PCDHGA6: variants seen among roughly 807,000 people sequenced by gnomAD.
The protein encoded by PCDHGA6 is protocadherin gamma subfamily A, 6, also known as protocadherin gamma-A6.
Under a neutral mutation model 60.6 loss-of-function variants are expected in PCDHGA6, and 41 were observed. The observed-to-expected ratio is 0.68, with a 90% CI of 0.53 to 0.88. The LOEUF is 0.88. Ranked by LOEUF, PCDHGA6 falls within the 40% of genes least tolerant of loss-of-function variation. The pLI, the probability that PCDHGA6 is intolerant of heterozygous loss-of-function variation, is 0.00. For synonymous variants in PCDHGA6, 594 were observed against 524.4 expected (o/e 1.13, Z -1.81); for missense variants, 1,312 against 1,203.0 (o/e 1.09, Z -1.34).
intron 2 of PCDHGA6, among the ~76,000 whole-genome samples, chr5:141,495,943 C>T (rs998665622): frequency 3.9e-5 from 6 of 152,010 alleles, no homozygotes; most frequent in African/African-American, 1.4e-4. Flanking sequence ...GTCTCTGTGC[C>T]TGTTGTCTTT....
At chr5:141,383,843 A>T in intron 1 of PCDHGA6, 1 of 1,613,970 alleles carries the variant, frequency 6.2e-7, no homozygotes, top group Non-Finnish European at 8.5e-7. Context: ...ACTGCCTTCT[A>T]TGAAATGGAG....
intron 3 of PCDHGA6, among the ~76,000 whole-genome samples, chr5:141,508,649 C>T (rs1303066200): frequency 6.6e-6 from 1 of 152,126 alleles, no homozygotes; most frequent in Non-Finnish European, 1.5e-5. Flanking sequence ...CCGTCAGGCC[C>T]TTCCTGTCAT....
chr5:141,409,045 C>T (rs1228603483), intron 1 of PCDHGA6: 1 of 1,613,878 alleles, frequency 6.2e-7, no homozygotes, highest in Non-Finnish European at 8.5e-7. Flanking sequence ...ACTACTACTT[C>T]CGAAGCACTG....
chr5:141,476,825 G>A lies in PCDHGA6; in HGVS notation c.2425-17982G>A. ...GCCTATTCACATCAAGGTGCTGGACGCGAATGACAATGCGCCTGTCTTCAA... is the reference window on the plus strand; with the variant it reads ...GCCTATTCACATCAAGGTGCTGGACACGAATGACAATGCGCCTGTCTTCAA... On this transcript the variant is annotated intron_variant, in intron 1 of 3. Transcript: ENST00000517434. The surrounding 1 kb of genome is among the most constrained non-coding windows in gnomAD (Gnocchi z 7.6). 6.2e-7 allele frequency: 1 copy of A among 1,613,554 alleles called. No individual in the cohort carries two copies. Among genetic ancestry groups the A allele is most frequent in the East Asian group, 2.2e-5 (1 of 44,870 alleles).
rs539719239 is a variant in PCDHGA6, at chr5:141,431,888, G to A, written c.2424+55381G>A. The A allele has an allele frequency of 6.2e-7, 1 of 1,614,200 alleles. No homozygotes were observed. The highest frequency in any genetic ancestry group is 1.7e-5 in the Admixed American group (1 of 60,036). On this transcript the variant is annotated intron_variant, in intron 1 of 3. Coordinates refer to ENST00000517434, the MANE Select transcript of PCDHGA6 (RefSeq NM_018919.3). The surrounding 1 kb of genome is among the most constrained non-coding windows in gnomAD (Gnocchi z 4.8). ...TTTAAATGTAAATGACCAAGATTCT[G>A]AGGAAAACGGACAGGTGATCTGTTT... is the stretch of plus-strand genomic sequence containing the variant.
Position 141,489,492 on chromosome 5 carries a change from G to C in PCDHGA6, c.2425-5315G>C. On this transcript the variant is annotated intron_variant, in intron 1 of 3. Coordinates refer to ENST00000517434, the MANE Select transcript of PCDHGA6 (RefSeq NM_018919.3). This position sits in a 1 kb window ranked among gnomAD's most constrained non-coding sequence, Gnocchi z 4.5. The stretch of plus-strand genomic sequence containing the variant: ...CCCTGAGCTTGATGAGTGGTGCCCT[G>C]GCAGTGAATCAAAAGATTGACCGAG... The C allele has an allele frequency of 6.2e-7, 1 of 1,614,042 alleles. No homozygotes were observed. The highest frequency in any genetic ancestry group is 8.5e-7 in the Non-Finnish European group (1 of 1,180,034).
Position 141,380,667 on chromosome 5 carries a change from T to C in PCDHGA6, c.2424+4160T>C, listed in dbSNP as rs552117625. On this transcript the variant is annotated intron_variant, in intron 1 of 3. Coordinates refer to ENST00000517434, the MANE Select transcript of PCDHGA6 (RefSeq NM_018919.3). Reference sequence around the variant, plus strand: ...AGAGACAATGAAGCCATTTACTCCATAGGGTATGTATGCTTTGTGTTCGGA... The same window carrying C: ...AGAGACAATGAAGCCATTTACTCCACAGGGTATGTATGCTTTGTGTTCGGA... Among the ~76,000 whole-genome samples the C allele has an allele frequency of 2.6e-5, 4 of 152,244 alleles. No homozygotes were observed. The East Asian group carries it at 5.8e-4, about 22-fold the overall frequency.
intron 1 of PCDHGA6, among the ~76,000 whole-genome samples, chr5:141,448,831 G>C (rs985602153): frequency 4.6e-5 from 7 of 152,096 alleles, no homozygotes; most frequent in Non-Finnish European, 7.4e-5. Flanking sequence ...TGTAGTCCCA[G>C]CTACTCTGGA....
chr5:141,473,312 A>G (rs1432409474), intron 1 of PCDHGA6, among the ~76,000 whole-genome samples: 1 of 152,228 alleles, frequency 6.6e-6, no homozygotes, highest in Non-Finnish European at 1.5e-5. Context: ...TGCTATATTA[A>G]TAAGCATTAA....
chr5:141,491,800 C>G lies in PCDHGA6; in HGVS notation c.2425-3007C>G. The G allele has an allele frequency of 6.7e-7, 1 of 1,500,854 alleles. No individual in the cohort carries two copies. The highest frequency in any genetic ancestry group is 8.9e-7 in the Non-Finnish European group (1 of 1,125,316). 93.0% of individuals were successfully genotyped at this position (1,500,854 alleles called of 1,614,324 possible). A position where few individuals can be genotyped will look rare whatever the true frequency, so the allele number is the denominator to read the frequency against. ...GAACTTGCATCCACTCCTCTCCGGC[C>G]GGCTTGGTCGCTGGCTGCGCTCCAC... On this transcript the variant is annotated intron_variant, in intron 1 of 3. Transcript: ENST00000517434. The surrounding 1 kb of genome is among the most constrained non-coding windows in gnomAD (Gnocchi z 6.9).
intron 1 of PCDHGA6, chr5:141,419,942 G>A: frequency 6.2e-7 from 1 of 1,614,070 alleles, no homozygotes. Context: ...CCTGGTGGTG[G>A]CCTTGGCCTT....
intron 1 of PCDHGA6, chr5:141,393,519 A>G: frequency 6.2e-7 from 1 of 1,614,036 alleles, no homozygotes; most frequent in African/African-American, 1.3e-5. Flanking sequence ...GTTGGATACA[A>G]ATGACAATGC....
Position 141,487,544 on chromosome 5 carries a change from C to A in PCDHGA6, c.2425-7263C>A. 1 of 1,614,190 alleles carries A rather than the reference C, an allele frequency of 6.2e-7. No homozygotes were observed. The highest frequency in any genetic ancestry group is 1.1e-5 in the South Asian group (1 of 91,088). On this transcript the variant is annotated intron_variant, in intron 1 of 3. Transcript: ENST00000517434. This position sits in a 1 kb window ranked among gnomAD's most constrained non-coding sequence, Gnocchi z 5.0. ...TGATAGCTTCATGATGGTGAAGTCA[C>A]CCAGTGCACCTATGGCAGGGGAGCC... is the stretch of plus-strand genomic sequence containing the variant.
chr5:141,433,508 A>G (rs2097615565), intron 1 of PCDHGA6, among the ~76,000 whole-genome samples: 1 of 152,068 alleles, frequency 6.6e-6, no homozygotes, highest in Non-Finnish European at 1.5e-5. Context: ...TGCTGGGATT[A>G]CAGGCGTGAA....
At chr5:141,413,383 A>G in intron 1 of PCDHGA6, 1 of 1,613,998 alleles carries the variant, frequency 6.2e-7, no homozygotes, top group Non-Finnish European at 8.5e-7. Context: ...CGGAGTCCGC[A>G]TAGTCTCCAG....
chr5:141,388,040 G>T (rs1561617548), intron 1 of PCDHGA6: 1 of 1,412,752 alleles, frequency 7.1e-7, no homozygotes, highest in East Asian at 2.5e-5. Context: ...ACCTCGCCAC[G>T]GACCTGGGGT....
At chr5:141,464,407 A>G (rs996561936) in intron 1 of PCDHGA6, among the ~76,000 whole-genome samples, 1 of 151,544 alleles carries the variant, frequency 6.6e-6, no homozygotes, top group Non-Finnish European at 1.5e-5. Flanking sequence ...CCTGAGATAT[A>G]TATATATCTA....
rs774151451 is a variant in PCDHGA6 at position 141,374,148 on chromosome 5, C to A, written c.65C>A (p.Thr22Lys). Residue 22 changes from threonine to lysine, a missense_variant, in exon 1 of 4, where the codon ACG becomes AAG. By Grantham distance (78) the Thr-to-Lys change is moderately conservative. Coordinates refer to ENST00000517434, the MANE Select transcript of PCDHGA6 (RefSeq NM_018919.3). The stretch of plus-strand genomic sequence containing the variant: ...GTCCTGCTCCTCACGCTCCTGGGGA[C>A]GCTGTGGGGGGCCGCGGCAGCGCAG... ...EQVLLLTLLG[T>K]LWGAAAAQIR... 1.2e-6 allele frequency: 2 copies of A among 1,611,000 alleles called. No individual in the cohort carries two copies. Among genetic ancestry groups the A allele is most frequent in the African/African-American group, 2.7e-5 (2 of 74,910 alleles).
At position 141,511,227 on chromosome 5, in the gene PCDHGA6, TCTC is replaced by T. The variant is rs2099883680; in HGVS notation, c.*57_*59del. 2 of 1,599,470 alleles carry T rather than the reference TCTC, an allele frequency of 1.3e-6. No homozygotes were observed. Among genetic ancestry groups the T allele is most frequent in the Non-Finnish European group, 1.7e-6 (2 of 1,173,054 alleles). ...CGGCCTCTCCCCAACCAGCCCAGCTTCTCCTTACCTGCACCCAGGCCTCAGAGT... is the reference window on the plus strand; with the variant it reads ...CGGCCTCTCCCCAACCAGCCCAGCTTCTTACCTGCACCCAGGCCTCAGAGT... On this transcript the variant is annotated 3_prime_UTR_variant, in exon 4 of 4. Transcript: ENST00000517434.
Sources: allele counts gnomAD v4.1 joint callset (sites outside exome capture counted in the v4.1 genomes callset), GRCh38; gene constraint gnomAD v4.1.1; non-coding constraint Gnocchi (gnomAD v3.1); transcripts MANE v1.5; gene names NCBI Gene and HGNC (gene_info 2026-07-23, HGNC 2026-07-21).